The following ARID5B variants were observed in gnomAD, a reference collection of about 807,000 sequenced individuals.
The protein encoded by ARID5B is AT-rich interactive domain-containing protein 5B.
Under a neutral mutation model 97.2 loss-of-function variants are expected in ARID5B, and 13 were observed. The ratio of observed to expected loss-of-function variants is 0.13; its 90% CI spans 0.09 to 0.21. The LOEUF (loss-of-function observed/expected upper bound fraction) is 0.21, where lower values mean the gene tolerates loss of function less well. ARID5B is among the 10% of genes least tolerant of loss of function. The probability of loss-of-function intolerance (pLI) is 1.00; values close to 1 mark genes in which losing one functional copy is unlikely to be tolerated. For synonymous variants in ARID5B, 556 were observed against 570.3 expected (o/e 0.97, Z 0.36); for missense variants, 1,210 against 1,465.3 (o/e 0.83, Z 2.84).
At chr10:61,956,744 TAAAGA>T (rs2132817053) in intron 3 of ARID5B, among the ~76,000 whole-genome samples, 1 of 152,358 alleles carries the variant, frequency 6.6e-6, no homozygotes, top group Non-Finnish European at 1.5e-5. Context: ...TGTCTGTATT[TAAAGA>T]AAAGGTGACA....
intron 2 of ARID5B, among the ~76,000 whole-genome samples, chr10:61,904,149 A>G (rs962505552): frequency 6.7e-6 from 1 of 148,204 alleles, no homozygotes; most frequent in Non-Finnish European, 1.5e-5. Context: ...TTACTTCAAC[A>G]TGGCCTGTGA....
intron 4 of ARID5B, among the ~76,000 whole-genome samples, chr10:62,022,913 C>G (rs936565114): frequency 2.0e-5 from 3 of 152,218 alleles, no homozygotes; most frequent in African/African-American, 7.2e-5. Flanking sequence ...ATCAGGGCAG[C>G]AGAACCCGTG....
intron 3 of ARID5B, among the ~76,000 whole-genome samples, chr10:61,988,889 G>GA (rs1838882829): frequency 6.7e-6 from 1 of 148,500 alleles, no homozygotes; most frequent in African/African-American, 2.5e-5. Flanking sequence ...AGCTTACTAT[G>GA]AAAAAATAAT....
At chr10:62,032,582 A>G (rs2393737) in intron 4 of ARID5B, among the ~76,000 whole-genome samples, 147,144 of 152,110 alleles carry the variant, frequency 0.97, 71,385 homozygotes, top group South Asian at 1. Flanking sequence ...GGGCGTGGTG[A>G]TGGGCGCCTG....
chr10:62,028,018 C>T (rs1456457985), intron 4 of ARID5B, among the ~76,000 whole-genome samples: 1 of 152,148 alleles, frequency 6.6e-6, no homozygotes, highest in East Asian at 1.9e-4. Flanking sequence ...TCTGCTTATC[C>T]TAGGTAGCCA....
At chr10:61,930,892 G>T (rs1299810722) in intron 2 of ARID5B, among the ~76,000 whole-genome samples, 1 of 152,002 alleles carries the variant, frequency 6.6e-6, no homozygotes, top group Non-Finnish European at 1.5e-5. Context: ...ATTGACTATT[G>T]CTATTACTGT....
At chr10:62,038,671 A>C (rs112734707) in intron 4 of ARID5B, among the ~76,000 whole-genome samples, 4,107 of 152,328 alleles carry the variant, frequency 0.027, 105 homozygotes, top group South Asian at 0.1. Context: ...ATCTCCACAT[A>C]AGAGGGCTGA....
chr10:62,043,123 C>G (rs559643322), intron 4 of ARID5B, among the ~76,000 whole-genome samples: 1 of 152,080 alleles, frequency 6.6e-6, no homozygotes, highest in African/African-American at 2.4e-5. Context: ...AGAATGGTTT[C>G]CCCTGGAGGA....
intron 5 of ARID5B, among the ~76,000 whole-genome samples, chr10:62,052,607 C>T (rs190425955): frequency 7.2e-5 from 11 of 152,314 alleles, no homozygotes; most frequent in Admixed American, 5.9e-4. Context: ...TCTGAAAGAG[C>T]AGACCTCCAA....
intron 8 of ARID5B, among the ~76,000 whole-genome samples, chr10:62,081,005 T>G (rs769002289): frequency 2.6e-5 from 4 of 151,990 alleles, no homozygotes; most frequent in Non-Finnish European, 5.9e-5. Context: ...GTATTTTTAG[T>G]AGAGATGGGC....
At chr10:61,984,733 C>T (rs551028478) in intron 3 of ARID5B, among the ~76,000 whole-genome samples, 1 of 152,358 alleles carries the variant, frequency 6.6e-6, no homozygotes, top group South Asian at 2.1e-4. Flanking sequence ...ATAGCATTGC[C>T]ACCAAGGTTC....
intron 3 of ARID5B, among the ~76,000 whole-genome samples, chr10:61,953,728 C>T (rs1375651362): frequency 6.6e-6 from 1 of 152,180 alleles, no homozygotes; most frequent in Non-Finnish European, 1.5e-5. Flanking sequence ...TCAGCGTTAA[C>T]AATACCCATC....
chr10:62,037,579 C>G (rs1197424854), intron 4 of ARID5B, among the ~76,000 whole-genome samples: 1 of 152,184 alleles, frequency 6.6e-6, no homozygotes, highest in Non-Finnish European at 1.5e-5. Flanking sequence ...AACAAAAGCC[C>G]TTTGAGAACG....
At chr10:62,031,127 G>T (rs964028204) in intron 4 of ARID5B, among the ~76,000 whole-genome samples, 5 of 152,238 alleles carry the variant, frequency 3.3e-5, no homozygotes, top group Middle Eastern at 6.8e-3. Flanking sequence ...CGAGTTACTC[G>T]GGAGGCTGTG....
At chr10:62,006,993 A>G (rs1000773518) in intron 4 of ARID5B, among the ~76,000 whole-genome samples, 4 of 152,210 alleles carry the variant, frequency 2.6e-5, no homozygotes, top group Non-Finnish European at 5.9e-5. Flanking sequence ...TTTCATCTAG[A>G]AAAGCGAGAA....
chr10:62,026,106 G>A (rs561007819), intron 4 of ARID5B, among the ~76,000 whole-genome samples: 1 of 152,330 alleles, frequency 6.6e-6, no homozygotes, highest in Non-Finnish European at 1.5e-5. Context: ...CAGATTCCAA[G>A]TGCCTTTTCC....
rs199587188 is a variant in ARID5B at position 61,947,261 on chromosome 10, C to CTTTTTTTTTTTTT, written c.502+6866_502+6878dup. ...ACCAGTATATCTTCTCACTTACTTTCTTTTTTTTTTTTTTTTTTTTTTTTT... is the reference window on the plus strand; with the variant it reads ...ACCAGTATATCTTCTCACTTACTTTCTTTTTTTTTTTTTTTTTTTTTTTTTTTTTTTTTTTTTT... On this transcript the variant is annotated intron_variant, in intron 3 of 9. Coordinates refer to ENST00000279873, the MANE Select transcript of ARID5B (RefSeq NM_032199.3). Among the ~76,000 whole-genome samples, 279 of 124,208 alleles carry CTTTTTTTTTTTTT rather than the reference C, an allele frequency of 2.2e-3. 17 individuals carry two copies. Among genetic ancestry groups the CTTTTTTTTTTTTT allele is most frequent in the Non-Finnish European group, 3.4e-3 (202 of 59,464 alleles). 81.5% of individuals were successfully genotyped at this position (124,208 alleles called of 152,430 possible).
At chr10:61,970,695 CA>C (rs938701120) in intron 3 of ARID5B, among the ~76,000 whole-genome samples, 6 of 152,116 alleles carry the variant, frequency 3.9e-5, no homozygotes, top group African/African-American at 1.4e-4. Flanking sequence ...GAAAAGGATA[CA>C]AAAATGAAAC....
chr10:62,063,469 G>A (rs1455963379), intron 7 of ARID5B, among the ~76,000 whole-genome samples: 2 of 150,638 alleles, frequency 1.3e-5, no homozygotes, highest in African/African-American at 2.4e-5. Context: ...TGCGGATTAT[G>A]GATTATTTCA....
Sources: allele counts gnomAD v4.1 joint callset (sites outside exome capture counted in the v4.1 genomes callset), GRCh38; gene constraint gnomAD v4.1.1; transcripts MANE v1.5; gene names NCBI Gene and HGNC (gene_info 2026-07-23, HGNC 2026-07-21).